CIMAP2: variants seen among roughly 807,000 people sequenced by gnomAD.
CIMAP2 encodes ciliary microtubule-associated protein 2.
the CIMAP2 span, chr1:54,807,925 G>C: frequency 6.2e-7 from 1 of 1,607,774 alleles, no homozygotes. Flanking sequence ...CAACCTCAAA[G>C]ACTTCTTAGA....
At chr1:54,807,539 C>G in the CIMAP2 span, 6 of 1,576,828 alleles carry the variant, frequency 3.8e-6, no homozygotes, top group South Asian at 1.2e-5. Flanking sequence ...CACATAGGCC[C>G]TGGGACTTAC....
the CIMAP2 span, among the ~76,000 whole-genome samples, chr1:54,815,880 C>T: frequency 6.8e-6 from 1 of 147,412 alleles, no homozygotes; most frequent in Admixed American, 6.8e-5. Flanking sequence ...GTTCTCCTGA[C>T]TTCCAGTAGC....
the CIMAP2 span, among the ~76,000 whole-genome samples, chr1:54,840,370 T>C: frequency 6.6e-6 from 1 of 152,264 alleles, no homozygotes; most frequent in African/African-American, 2.4e-5. Flanking sequence ...ACACAGTTTG[T>C]TTATCCATTC....
At chr1:54,811,767 C>CGGGGGGGGGGGGGGGGG in the CIMAP2 span, 20 of 1,088,164 alleles carry the variant, frequency 1.8e-5, no homozygotes, top group Non-Finnish European at 2.4e-5. Context: ...TTCTGACAGC[C>CGGGGGGGGGGGGGGGGG]TCCATGCCCC....
the CIMAP2 span, chr1:54,811,765 G>GCCGGGGGGCGGGGCCCCCCCCCCCC: frequency 7.7e-7 from 1 of 1,301,332 alleles, no homozygotes; most frequent in Non-Finnish European, 1.1e-6. Flanking sequence ...GGTTCTGACA[G>GCCGGGGGGCGGGGCCCCCCCCCCCC]CCTCCATGCC....
chr1:54,818,742 C>T, the CIMAP2 span, among the ~76,000 whole-genome samples: 1 of 142,454 alleles, frequency 7.0e-6, no homozygotes, highest in African/African-American at 2.6e-5. Context: ...CAAGCATGCA[C>T]CACCACACCC....
the CIMAP2 span, chr1:54,813,793 C>T: frequency 1.3e-6 from 2 of 1,581,966 alleles, no homozygotes; most frequent in Non-Finnish European, 1.7e-6. Context: ...TAGCAGATTC[C>T]TTTTTCTCTC....
At chr1:54,836,882 CG>C in the CIMAP2 span, among the ~76,000 whole-genome samples, 1 of 151,978 alleles carries the variant, frequency 6.6e-6, no homozygotes, top group African/African-American at 2.4e-5. Flanking sequence ...TGGGATCAGC[CG>C]AGTCTTGATG....
At chr1:54,841,639 G>A in the CIMAP2 span, 7 of 1,614,118 alleles carry the variant, frequency 4.3e-6, no homozygotes, top group Non-Finnish European at 5.9e-6. Context: ...TGTTGGAAAG[G>A]CCTAGAAGTC....
the CIMAP2 span, among the ~76,000 whole-genome samples, chr1:54,834,380 TAACTCCATGAAAGG>T: frequency 6.6e-6 from 1 of 152,224 alleles, no homozygotes; most frequent in South Asian, 2.1e-4. Flanking sequence ...CAGGATCTGA[TAACTCCATGAAAGG>T]AACTCATGAG....
At chr1:54,806,102 G>A in the CIMAP2 span, 8 of 1,511,878 alleles carry the variant, frequency 5.3e-6, no homozygotes, top group Admixed American at 6.2e-5. Context: ...GAGGCGGGCA[G>A]CGCGCAGGCC....
the CIMAP2 span, among the ~76,000 whole-genome samples, chr1:54,830,119 G>T: frequency 2.0e-5 from 3 of 152,168 alleles, no homozygotes; most frequent in Non-Finnish European, 4.4e-5. The surrounding 1 kb of genome is among the most constrained non-coding windows in gnomAD (Gnocchi z 4.1). Context: ...TGTAAGCTTG[G>T]CTGTCCAAGC....
chr1:54,815,693 G>T, the CIMAP2 span, among the ~76,000 whole-genome samples: 1 of 152,072 alleles, frequency 6.6e-6, no homozygotes, highest in Admixed American at 6.5e-5. Flanking sequence ...TTTTCAGTTT[G>T]TAATGCACCT....
At chr1:54,834,733 A>G in the CIMAP2 span, among the ~76,000 whole-genome samples, 2 of 152,222 alleles carry the variant, frequency 1.3e-5, no homozygotes, top group African/African-American at 2.4e-5. Context: ...GTAATTTTCT[A>G]CAATATTTTA....
the CIMAP2 span, chr1:54,814,962 C>T: frequency 6.2e-7 from 1 of 1,614,202 alleles, no homozygotes; most frequent in Admixed American, 1.7e-5. Flanking sequence ...GAAATGCAAA[C>T]CCGTCAACCA....
chr1:54,841,566 G>A, the CIMAP2 span: 1 of 1,612,108 alleles, frequency 6.2e-7, no homozygotes, highest in Non-Finnish European at 8.5e-7. Context: ...GCCAAGTTGG[G>A]TGCTTTAATG....
At chr1:54,806,104 G>T in the CIMAP2 span, 9 of 1,514,670 alleles carry the variant, frequency 5.9e-6, no homozygotes, top group South Asian at 1.2e-5. Flanking sequence ...GGCGGGCAGC[G>T]CGCAGGCCTG....
the CIMAP2 span, among the ~76,000 whole-genome samples, chr1:54,808,595 G>T: frequency 1.5e-5 from 2 of 137,092 alleles, no homozygotes; most frequent in African/African-American, 5.3e-5. Context: ...GGGCCTTGGT[G>T]TTATTCCAGG....
At chr1:54,841,169 G>C in the CIMAP2 span, among the ~76,000 whole-genome samples, 1 of 152,338 alleles carries the variant, frequency 6.6e-6, no homozygotes, top group Non-Finnish European at 1.5e-5. Context: ...AGGCATAGGG[G>C]AAATACCAAT....
Sources: allele counts gnomAD v4.1 joint callset (sites outside exome capture counted in the v4.1 genomes callset), GRCh38; gene constraint gnomAD v4.1.1; non-coding constraint Gnocchi (gnomAD v3.1); transcripts MANE v1.5; gene names NCBI Gene and HGNC (gene_info 2026-07-23, HGNC 2026-07-21).